The following GFRA1 variants were observed in gnomAD, a reference collection of about 807,000 sequenced individuals.
GFRA1 encodes GDNF family receptor alpha 1.
Under a neutral mutation model 51.6 loss-of-function variants are expected in GFRA1, and 16 were observed. The ratio of observed to expected loss-of-function variants is 0.31; its 90% confidence interval spans 0.21 to 0.47. The LOEUF is 0.47. Ranked by LOEUF, GFRA1 falls within the 20% of genes least tolerant of loss-of-function variation. GFRA1 has a pLI of 1.00. For missense variants in GFRA1, 530 were observed against 594.3 expected (o/e 0.89, Z 1.13); for synonymous variants, 270 against 241.3 (o/e 1.12, Z -1.10).
chr10:116,106,061 A>T (rs1956994809), intron 6 of GFRA1, among the ~76,000 whole-genome samples: 1 of 152,250 alleles, frequency 6.6e-6, no homozygotes, highest in South Asian at 2.1e-4. Flanking sequence ...TCGTGATGTC[A>T]TGTGAGACTC....
intron 5 of GFRA1, among the ~76,000 whole-genome samples, chr10:116,152,256 A>C (rs149835565): frequency 6.6e-6 from 1 of 152,376 alleles, no homozygotes; most frequent in African/African-American, 2.4e-5. Context: ...CAGGAGCACC[A>C]GTTTGGAGGG....
chr10:116,180,131 G>T (rs925945613), intron 5 of GFRA1, among the ~76,000 whole-genome samples: 1 of 152,180 alleles, frequency 6.6e-6, no homozygotes, highest in African/African-American at 2.4e-5. Context: ...AATTAATTCA[G>T]ATACCACCTT....
intron 4 of GFRA1, among the ~76,000 whole-genome samples, chr10:116,260,061 C>G (rs1294472559): frequency 6.6e-6 from 1 of 152,202 alleles, no homozygotes; most frequent in African/African-American, 2.4e-5. Context: ...CTGGGATAGG[C>G]AGAGTTCCAA....
At chr10:116,120,398 C>G (rs1326699265) in intron 6 of GFRA1, among the ~76,000 whole-genome samples, 1 of 152,048 alleles carries the variant, frequency 6.6e-6, no homozygotes, top group African/African-American at 2.4e-5. Flanking sequence ...TAGCAAGACC[C>G]TGTCTCTAAA....
chr10:116,244,564 T>C (rs918716818), intron 4 of GFRA1, among the ~76,000 whole-genome samples: 2 of 150,318 alleles, frequency 1.3e-5, no homozygotes, highest in Admixed American at 1.3e-4. Flanking sequence ...AACTAAAATA[T>C]ACAGGCGTTA....
chr10:116,066,243 T>TG (rs1221381707), intron 9 of GFRA1, among the ~76,000 whole-genome samples: 1 of 152,300 alleles, frequency 6.6e-6, no homozygotes, highest in South Asian at 2.1e-4. Flanking sequence ...CCTGGGTTCT[T>TG]GGGGCTCCTC....
At chr10:116,119,244 T>C (rs116745410) in intron 6 of GFRA1, among the ~76,000 whole-genome samples, 1,858 of 152,262 alleles carry the variant, frequency 0.012, 32 homozygotes, top group African/African-American at 0.043. Context: ...GAGAACCTGC[T>C]TGCCCTTCTC....
chr10:116,095,718 G>C (rs11593948), intron 7 of GFRA1, among the ~76,000 whole-genome samples: 1 of 152,160 alleles, frequency 6.6e-6, no homozygotes, highest in Non-Finnish European at 1.5e-5. Context: ...TGGTGACAAA[G>C]AATGTAGTCT....
At chr10:116,140,346 T>A (rs1226082709) in intron 5 of GFRA1, among the ~76,000 whole-genome samples, 1 of 152,206 alleles carries the variant, frequency 6.6e-6, no homozygotes, top group East Asian at 1.9e-4. Flanking sequence ...GTGGCAGATT[T>A]ACGAGCTACT....
chr10:116,195,596 T>A (rs80109878), intron 5 of GFRA1, among the ~76,000 whole-genome samples: 2,112 of 152,290 alleles, frequency 0.014, 58 homozygotes, highest in African/African-American at 0.048. Flanking sequence ...CTGGCGGTAA[T>A]GCTCTTTTGC....
At chr10:116,072,633 C>T (rs1210666575) in intron 9 of GFRA1, among the ~76,000 whole-genome samples, 1 of 152,048 alleles carries the variant, frequency 6.6e-6, no homozygotes, top group African/African-American at 2.4e-5. Context: ...TGTTGGCGCG[C>T]ACCTGTAATC....
chr10:116,196,577 AATATATAGTACTATATATAATAT>A (rs1267601847), intron 5 of GFRA1, among the ~76,000 whole-genome samples: 5,901 of 48,798 alleles, frequency 0.12, 904 homozygotes, highest in East Asian at 0.28. Context: ...TAATATATAT[AATATATAGTACTATATATAATAT>A]ATATATAGTA....
chr10:116,123,489 G>C (rs563460290), intron 6 of GFRA1, among the ~76,000 whole-genome samples: 41 of 152,148 alleles, frequency 2.7e-4, no homozygotes, highest in Non-Finnish European at 5.3e-4. Context: ...AGTTTTCTTT[G>C]GTCATTATTA....
At chr10:116,206,790 G>GCA (rs1391424709) in intron 5 of GFRA1, among the ~76,000 whole-genome samples, 36,358 of 150,038 alleles carry the variant, frequency 0.24, 4,628 homozygotes, top group African/African-American at 0.3. Flanking sequence ...CTGCCACGAC[G>GCA]CCTGGCTAAT....
At chr10:116,146,100 G>A (rs1431507801) in intron 5 of GFRA1, among the ~76,000 whole-genome samples, 3 of 151,902 alleles carry the variant, frequency 2.0e-5, no homozygotes, top group Admixed American at 6.6e-5. Flanking sequence ...ATACACATAT[G>A]TGAGTATATA....
intron 4 of GFRA1, among the ~76,000 whole-genome samples, chr10:116,257,489 A>C (rs897188164): frequency 6.6e-6 from 1 of 151,980 alleles, no homozygotes; most frequent in African/African-American, 2.4e-5. Flanking sequence ...AACTTGACCC[A>C]CACTTGCTCT....
intron 5 of GFRA1, among the ~76,000 whole-genome samples, chr10:116,139,272 TG>T (rs1456069883): frequency 1.3e-5 from 2 of 152,212 alleles, no homozygotes; most frequent in Non-Finnish European, 2.9e-5. Flanking sequence ...ATGTTGGTTT[TG>T]GGGTTGTTGT....
intron 4 of GFRA1, among the ~76,000 whole-genome samples, chr10:116,238,054 C>T (rs1454590522): frequency 6.6e-6 from 1 of 152,136 alleles, no homozygotes; most frequent in Non-Finnish European, 1.5e-5. Flanking sequence ...CCAAATGCGC[C>T]GTAAAGCTGA....
At chr10:116,181,637 TG>T (rs1260044394) in intron 5 of GFRA1, among the ~76,000 whole-genome samples, 3 of 150,836 alleles carry the variant, frequency 2.0e-5, no homozygotes, top group African/African-American at 4.9e-5. Flanking sequence ...TTTTTTTTGT[TG>T]TTTTTTTGTT....
Sources: allele counts gnomAD v4.1 joint callset (sites outside exome capture counted in the v4.1 genomes callset), GRCh38; gene constraint gnomAD v4.1.1; transcripts MANE v1.5; gene names NCBI Gene and HGNC (gene_info 2026-07-23, HGNC 2026-07-21).